The following IL7 variants were observed in gnomAD, a reference collection of about 807,000 sequenced individuals.
IL7 encodes interleukin-7.
Under a neutral mutation model 21.6 loss-of-function variants are expected in IL7, and 3 were observed. The observed-to-expected ratio is 0.14, with a 90% confidence interval of 0.06 to 0.36. IL7 has a LOEUF of 0.36. IL7 is among the 10% of genes least tolerant of loss of function. The probability of loss-of-function intolerance (pLI) is 1.00; values close to 1 mark genes in which losing one functional copy is unlikely to be tolerated. For synonymous variants in IL7, 62 were observed against 68.1 expected, an observed-to-expected ratio of 0.91 and a Z score of 0.44; for missense variants, 175 against 200.2, an observed-to-expected ratio of 0.87 and a Z score of 0.76.
At chr8:78,784,558 G>GT (rs551176194) in intron 2 of IL7, among the ~76,000 whole-genome samples, 22 of 151,752 alleles carry the variant, frequency 1.4e-4, no homozygotes, top group South Asian at 6.3e-4. Context: ...TAACATTTAA[G>GT]TTTTTTTTAA....
chr8:78,701,228 T>G (rs762486711), intron 3 of IL7, among the ~76,000 whole-genome samples: 1 of 152,158 alleles, frequency 6.6e-6, no homozygotes, highest in Admixed American at 6.5e-5. Flanking sequence ...ACCTGTATTC[T>G]TAGGTATTTT....
intron 1 of IL7, among the ~76,000 whole-genome samples, chr8:78,802,493 C>T (rs182976212): frequency 4.0e-5 from 6 of 149,928 alleles, no homozygotes; most frequent in Admixed American, 2.0e-4. Context: ...TGCAATGGTG[C>T]GATCACGGCT....
At chr8:78,726,297 G>A (rs1811339069) in intron 3 of IL7, among the ~76,000 whole-genome samples, 1 of 151,918 alleles carries the variant, frequency 6.6e-6, no homozygotes, top group Non-Finnish European at 1.5e-5. Flanking sequence ...ATTGATATGT[G>A]CAAATGTACA....
At chr8:78,717,315 T>C (rs1811137473), downstream of IL7, 1 of 1,599,218 alleles carries the variant, frequency 6.3e-7, no homozygotes, top group African/African-American at 1.4e-5. Context: ...TCATTGTTTC[T>C]TTACTTTTTT....
chr8:78,802,724 T>C (rs916318364), intron 1 of IL7, among the ~76,000 whole-genome samples: 13 of 152,182 alleles, frequency 8.5e-5, no homozygotes, highest in African/African-American at 3.1e-4. Context: ...TGAGCCACCA[T>C]GCCTAGTCAG....
chr8:78,678,933 A>G, intron 4 of IL7: 1 of 234,162 alleles, frequency 4.3e-6, no homozygotes, highest in East Asian at 8.3e-5. Context: ...CATCAATTAC[A>G]GTGAGATTTT....
intron 1 of IL7, among the ~76,000 whole-genome samples, chr8:78,802,398 G>C (rs117261209): frequency 7.3e-5 from 11 of 151,680 alleles, no homozygotes; most frequent in Non-Finnish European, 1.6e-4. Flanking sequence ...CACAAAGACA[G>C]TCATGTAGGA....
At chr8:78,723,643 T>A (rs1811288061) in intron 3 of IL7, among the ~76,000 whole-genome samples, 1 of 152,034 alleles carries the variant, frequency 6.6e-6, no homozygotes, top group Non-Finnish European at 1.5e-5. Context: ...GCCTTCTGCT[T>A]TCACAAAGGC....
At chr8:78,795,100 C>T (rs1380502163) in intron 2 of IL7, among the ~76,000 whole-genome samples, 5 of 151,976 alleles carry the variant, frequency 3.3e-5, no homozygotes, top group African/African-American at 7.2e-5. Context: ...TGTTGTGAAA[C>T]GGAGGTAGTA....
chr8:78,762,114 C>A lies in IL7; in HGVS notation c.148-22032G>T, dbSNP rs111513649. 5.2e-5 allele frequency: 83 copies of A among 1,597,144 alleles called. 2 individuals carry two copies. The African/African-American group carries it at 6.6e-4, about 13-fold the overall frequency. ...GTCCTGATTTCATCTTCACTCAGTT[C>A]TTTTATTCGTTTTCTGTGTCTACTA... On this transcript the variant is annotated intron_variant, in intron 2 of 5. Coordinates refer to ENST00000263851, the MANE Select transcript of IL7 (RefSeq NM_000880.4).
At chr8:78,740,895 T>C (rs1811757384) in intron 2 of IL7, among the ~76,000 whole-genome samples, 2 of 152,120 alleles carry the variant, frequency 1.3e-5, no homozygotes, top group Admixed American at 6.6e-5. Flanking sequence ...AGGAATGTAG[T>C]AGAAGAAGGT....
chr8:78,699,575 G>T (rs1220946537), intron 3 of IL7, among the ~76,000 whole-genome samples: 1 of 152,010 alleles, frequency 6.6e-6, no homozygotes, highest in Non-Finnish European at 1.5e-5. Flanking sequence ...CAGGTATTAA[G>T]CCTAGTACCC....
intron 4 of IL7, among the ~76,000 whole-genome samples, chr8:78,681,828 T>C (rs1809792825): frequency 6.6e-6 from 1 of 152,018 alleles, no homozygotes; most frequent in Admixed American, 6.5e-5. Context: ...TATAATATCT[T>C]CTTGTCTTTT....
intron 2 of IL7, among the ~76,000 whole-genome samples, chr8:78,775,751 G>T (rs1025048234): frequency 4.6e-5 from 7 of 151,994 alleles, no homozygotes; most frequent in Non-Finnish European, 4.4e-5. Flanking sequence ...GGTTTTCATA[G>T]ATCATATTCC....
downstream of IL7, among the ~76,000 whole-genome samples, chr8:78,732,388 C>CA (rs888545649): frequency 1.3e-5 from 2 of 151,954 alleles, no homozygotes; most frequent in Non-Finnish European, 2.9e-5. Flanking sequence ...AAGGTGTTAC[C>CA]AACACACACT....
downstream of IL7, chr8:78,675,677 T>A: frequency 2.9e-6 from 3 of 1,031,058 alleles, no homozygotes; most frequent in South Asian, 5.2e-5. Context: ...AGTAAAACAT[T>A]TTTCACAAAA....
intron 2 of IL7, among the ~76,000 whole-genome samples, chr8:78,790,682 A>T (rs1813659133): frequency 6.6e-6 from 1 of 152,086 alleles, no homozygotes; most frequent in African/African-American, 2.4e-5. Context: ...AGATAATTTT[A>T]AAATAAAGAA....
chr8:78,758,731 T>G (rs1170015630), intron 2 of IL7, among the ~76,000 whole-genome samples: 1 of 152,156 alleles, frequency 6.6e-6, no homozygotes, highest in Non-Finnish European at 1.5e-5. Context: ...CTGATGGGAT[T>G]TCCCCCAACA....
chr8:78,693,625 G>A (rs1248133461), intron 3 of IL7, among the ~76,000 whole-genome samples: 2 of 152,098 alleles, frequency 1.3e-5, no homozygotes, highest in South Asian at 2.1e-4. Context: ...GTAGATTCTG[G>A]ATATTAGCCC....
Sources: gnomAD v4.1 joint callset for allele counts (sites outside exome capture counted in the v4.1 genomes callset) on GRCh38, gnomAD v4.1.1 for gene constraint, MANE v1.5 for transcripts, NCBI Gene and HGNC (gene_info 2026-07-23, HGNC 2026-07-21) for gene names.